ABCG1: variants seen among roughly 807,000 people sequenced by gnomAD.
ABCG1 encodes the protein ATP-binding cassette sub-family G member 1.
ABCG1 carries 29 observed loss-of-function variants against 69.2 expected under a neutral mutation model. That is an observed-to-expected ratio of 0.42 (90% CI 0.31 to 0.57). ABCG1 has a LOEUF of 0.57. Ranked by LOEUF, ABCG1 falls within the 20% of genes least tolerant of loss-of-function variation. The pLI is 0.15. For missense variants in ABCG1, 718 were observed against 898.1 expected (o/e 0.80, Z 2.56); for synonymous variants, 370 against 374.8 (o/e 0.99, Z 0.15).
chr21:42,282,213 C>A, intron 5 of ABCG1, 61 bp from the exon 6 acceptor site: 1 of 1,581,022 alleles, frequency 6.3e-7, no homozygotes. Flanking sequence ...CCTGCATGGG[C>A]CATGGGAGGT....
At chr21:42,220,150 C>T in intron 1 of ABCG1, 1 of 1,005,120 alleles carries the variant, frequency 9.9e-7, no homozygotes, top group Non-Finnish European at 1.5e-6. Flanking sequence ...CCCACCTCAC[C>T]TTATCCTAGC....
At chr21:42,264,373 C>T (rs1009135527) in intron 2 of ABCG1, among the ~76,000 whole-genome samples, 3 of 152,218 alleles carry the variant, frequency 2.0e-5, no homozygotes, top group African/African-American at 7.2e-5. Flanking sequence ...GTTCATCCAT[C>T]CATCTGTCTG....
In ABCG1 at chr21:42,287,741, A is replaced by G. The variant is rs2068969902; in HGVS notation, c.974-148A>G. The stretch of plus-strand genomic sequence containing the variant: ...TTGAGAGCCGCACGCTGGTTGATAA[A>G]TGATTTTGACGTCATGCCATTAGCA... On this transcript the variant is annotated intron_variant, in intron 8 of 14. Coordinates refer to ENST00000398449, the MANE Select transcript of ABCG1 (RefSeq NM_016818.3). The surrounding 1 kb of genome is among the most constrained non-coding windows in gnomAD (Gnocchi z 6.2). The G allele has an allele frequency of 1.2e-6, 1 of 820,622 alleles. No individual in the cohort carries two copies. The highest frequency in any genetic ancestry group is 1.9e-6 in the Non-Finnish European group (1 of 535,308). The allele number at this position is 820,622 out of a possible 1,614,324, so 50.8% of individuals were successfully genotyped here.
chr21:42,243,814 C>CTTTTTTTT (rs11402831), intron 2 of ABCG1, among the ~76,000 whole-genome samples: 1 of 94,212 alleles, frequency 1.1e-5, no homozygotes, highest in Non-Finnish European at 2.0e-5. Context: ...TTATCTTTGG[C>CTTTTTTTT]TTTTTTTTTT....
Position 42,282,432 on chromosome 21 carries a change from C to G in ABCG1, c.734+13C>G, listed in dbSNP as rs748809936. 2 of 1,606,246 alleles carry G rather than the reference C, an allele frequency of 1.2e-6. No individual in the cohort carries two copies. The highest frequency in any genetic ancestry group is 8.5e-7 in the Non-Finnish European group (1 of 1,174,418). ...ATGAGCCCACCAGGTAAGTCAGGAG[C>G]ATCTGAGCTGGTGTCCAGGGGCAGG... is the stretch of plus-strand genomic sequence containing the variant. On this transcript the variant is annotated intron_variant, in intron 6 of 14. Transcript: ENST00000398449.
intron 10 of ABCG1, 150 bp from the exon 11 acceptor site, chr21:42,289,900 T>A (rs150145178): frequency 1.3e-4 from 109 of 817,144 alleles, no homozygotes; most frequent in Middle Eastern, 1.1e-3. Context: ...AGGGTTTGGC[T>A]TGTTTCTCTG....
intron 2 of ABCG1, among the ~76,000 whole-genome samples, chr21:42,260,417 C>T (rs1448844606): frequency 6.6e-6 from 1 of 152,182 alleles, no homozygotes; most frequent in Non-Finnish European, 1.5e-5. Context: ...TCTCCCTCCC[C>T]AGGGTTCCCT....
At position 42,232,252 on chromosome 21, in the gene ABCG1, T is replaced by C. The variant is rs756790910; in HGVS notation, c.286+6338T>C. ...AAGACCAAAGGGGTTTGCTACTTTC[T>C]TGGACAGGCTTCATATCCAAGGGGT... is the stretch of plus-strand genomic sequence containing the variant. On this transcript the variant is annotated intron_variant, in intron 2 of 14. Coordinates refer to ENST00000398449, the MANE Select transcript of ABCG1 (RefSeq NM_016818.3). 5.9e-5 allele frequency among the ~76,000 whole-genome samples: 9 copies of C among 152,378 alleles called. No homozygotes were observed. In the South Asian group the frequency reaches 1.2e-3, roughly 21 times the overall value.
At chr21:42,294,459 G>A in intron 13 of ABCG1, 83 bp from the exon 14 acceptor site, 4 of 1,094,268 alleles carry the variant, frequency 3.7e-6, no homozygotes, top group Non-Finnish European at 4.2e-6. Flanking sequence ...CCTGCCCGGG[G>A]GAAGCTGGCG....
chr21:42,272,244 G>A (rs1274699680), intron 3 of ABCG1, among the ~76,000 whole-genome samples: 1 of 152,214 alleles, frequency 6.6e-6, no homozygotes. Context: ...TCAGAGTGAG[G>A]CAGGGCCAGA....
intron 4 of ABCG1, among the ~76,000 whole-genome samples, chr21:42,274,445 C>T (rs2068673475): frequency 6.6e-6 from 1 of 150,896 alleles, no homozygotes; most frequent in Non-Finnish European, 1.5e-5. Context: ...CGCGACCCAG[C>T]CAAGTGCCAT....
intron 1 of ABCG1, among the ~76,000 whole-genome samples, chr21:42,201,149 G>A (rs1323013897): frequency 1.3e-5 from 2 of 151,842 alleles, no homozygotes; most frequent in Admixed American, 6.6e-5. Context: ...GTTTTGATAC[G>A]TGTCTGCAAG....
chr21:42,253,262 C>A (rs575424547), intron 2 of ABCG1, among the ~76,000 whole-genome samples: 1 of 152,130 alleles, frequency 6.6e-6, no homozygotes, highest in African/African-American at 2.4e-5. Context: ...AGCAGCAGCT[C>A]CAACTAAGGC....
At chr21:42,259,709 T>G (rs1043941085) in intron 2 of ABCG1, among the ~76,000 whole-genome samples, 12 of 152,230 alleles carry the variant, frequency 7.9e-5, no homozygotes, top group African/African-American at 2.9e-4. Flanking sequence ...ACACAGTTAC[T>G]CGGTGATGGG....
At position 42,291,758 on chromosome 21, in the gene ABCG1, C is replaced by T. The variant is rs2069066053; in HGVS notation, c.1653+102C>T. The T allele has an allele frequency of 4.5e-6, 6 of 1,337,846 alleles. No individual in the cohort carries two copies. The highest frequency in any genetic ancestry group is 1.5e-5 in the African/African-American group (1 of 68,054). The allele number at this position is 1,337,846 out of a possible 1,614,324, so 82.9% of individuals were successfully genotyped here. The stretch of plus-strand genomic sequence containing the variant: ...TCTGCCACCCCTTCCCCTACTTCTG[C>T]CCTGACCCTCCTAGATGGGGTCGTT... On this transcript the variant is annotated intron_variant, in intron 13 of 14. Coordinates refer to ENST00000398449, the MANE Select transcript of ABCG1 (RefSeq NM_016818.3). This position sits in a 1 kb window ranked among gnomAD's most constrained non-coding sequence, Gnocchi z 6.4.
intron 2 of ABCG1, among the ~76,000 whole-genome samples, chr21:42,248,160 G>C (rs1410672380): frequency 6.6e-6 from 1 of 152,206 alleles, no homozygotes; most frequent in Non-Finnish European, 1.5e-5. Context: ...CTGCTTATTT[G>C]TTAAACCTGT....
chr21:42,268,384 T>C (rs1293149933), intron 2 of ABCG1, among the ~76,000 whole-genome samples: 19 of 136,618 alleles, frequency 1.4e-4, no homozygotes, highest in African/African-American at 5.6e-4. Flanking sequence ...TGTGTGTGTG[T>C]GTGTGCGCGC....
In ABCG1 at chr21:42,291,486, C is replaced by A; in HGVS notation, c.1495-12C>A. 6.2e-7 allele frequency: 1 copy of A among 1,602,642 alleles called. No individual in the cohort carries two copies. The highest frequency in any genetic ancestry group is 1.1e-5 in the South Asian group (1 of 90,568). On this transcript the variant is annotated splice_polypyrimidine_tract_variant and intron_variant, in intron 12 of 14. Coordinates refer to ENST00000398449, the MANE Select transcript of ABCG1 (RefSeq NM_016818.3). This position sits in a 1 kb window ranked among gnomAD's most constrained non-coding sequence, Gnocchi z 6.4. ...GCGGCTGAGCCCGCGGCTGACGGGT[C>A]CTTGTTTCCAGATCATGTTCCCAGT...
At chr21:42,220,901 G>A (rs1201994813) in intron 1 of ABCG1, among the ~76,000 whole-genome samples, 2 of 152,214 alleles carry the variant, frequency 1.3e-5, no homozygotes, top group African/African-American at 4.8e-5. Context: ...ATTCCTTCTA[G>A]AGCTGCAAAG....
Sources: gnomAD v4.1 joint callset for allele counts (sites outside exome capture counted in the v4.1 genomes callset) on GRCh38, gnomAD v4.1.1 for gene constraint, Gnocchi (gnomAD v3.1) non-coding constraint, MANE v1.5 for transcripts, NCBI Gene and HGNC (gene_info 2026-07-23, HGNC 2026-07-21) for gene names.